Variants in SCARA5 observed in about 807,000 individuals in gnomAD.
SCARA5 encodes the protein scavenger receptor class A member 5, also known as scavenger receptor class A, member 5 (putative).
SCARA5 carries 45 observed loss-of-function variants against 46.3 expected under a neutral mutation model. That is an observed-to-expected ratio of 0.97 (90% CI 0.76 to 1.24). SCARA5 has a LOEUF of 1.24. Ranked by LOEUF, SCARA5 falls within the 50% of genes most tolerant of loss-of-function variation. The pLI is 0.00. For synonymous variants in SCARA5, 333 were observed against 306.5 expected (o/e 1.09, Z -0.90); for missense variants, 680 against 689.0 (o/e 0.99, Z 0.15).
intron 7 of SCARA5, chr8:27,886,033 C>T (rs141122521): frequency 1.6e-3 from 244 of 154,878 alleles, no homozygotes; most frequent in African/African-American, 5.4e-3. Flanking sequence ...AAAGTCATGG[C>T]CTGCAGGGCT....
chr8:27,874,524 A>G (rs1252202419), intron 8 of SCARA5, among the ~76,000 whole-genome samples: 1 of 152,208 alleles, frequency 6.6e-6, no homozygotes, highest in African/African-American at 2.4e-5. Context: ...TTGATTGCAT[A>G]TTGGCTTCAG....
rs973824150 is a variant in SCARA5 at position 27,945,923 on chromosome 8, G to A, written c.241+20491C>T. Among the ~76,000 whole-genome samples the A allele has an allele frequency of 2.6e-5, 4 of 152,226 alleles. No individual in the cohort carries two copies. In the East Asian group the frequency reaches 5.8e-4, roughly 22 times the overall value. Reference sequence around the variant, plus strand: ...AGTGCTACATCATGCTGGCAAGACCGTGGTGAACGCTAGTGTGTTTAAACA... The same window carrying A: ...AGTGCTACATCATGCTGGCAAGACCATGGTGAACGCTAGTGTGTTTAAACA... On this transcript the variant is annotated intron_variant, in intron 3 of 8. Transcript: ENST00000354914.
At chr8:27,979,622 T>G (rs1459156216) in intron 2 of SCARA5, among the ~76,000 whole-genome samples, 1 of 151,832 alleles carries the variant, frequency 6.6e-6, no homozygotes, top group East Asian at 1.9e-4. Context: ...GGCATGATCT[T>G]GGCTCACTGC....
At chr8:27,914,399 T>C (rs1807427589) in intron 4 of SCARA5, among the ~76,000 whole-genome samples, 1 of 152,088 alleles carries the variant, frequency 6.6e-6, no homozygotes, top group Non-Finnish European at 1.5e-5. Context: ...GGTGGGGAGA[T>C]CCTCGTGCAC....
intron 7 of SCARA5, among the ~76,000 whole-genome samples, chr8:27,904,111 C>T (rs961171973): frequency 8.5e-5 from 13 of 152,118 alleles, no homozygotes; most frequent in Admixed American, 2.0e-4. Flanking sequence ...TAGCAAGGAC[C>T]GCATCAGAAA....
chr8:27,986,765 G>C (rs1808711300), intron 2 of SCARA5, among the ~76,000 whole-genome samples: 1 of 152,336 alleles, frequency 6.6e-6, no homozygotes, highest in South Asian at 2.1e-4. Flanking sequence ...AGAGGAAAAG[G>C]CCTGTCTCTC....
At chr8:27,942,481 T>A (rs984419266) in intron 3 of SCARA5, among the ~76,000 whole-genome samples, 2 of 152,198 alleles carry the variant, frequency 1.3e-5, no homozygotes, top group Non-Finnish European at 2.9e-5. Context: ...GGCAGGTTGA[T>A]CCCAGCCCCT....
At chr8:27,915,543 C>T (rs1448114611) in intron 4 of SCARA5, among the ~76,000 whole-genome samples, 1 of 152,224 alleles carries the variant, frequency 6.6e-6, no homozygotes, top group African/African-American at 2.4e-5. Context: ...ACCCAGAAAC[C>T]AGAGTCCCAG....
intron 5 of SCARA5, 50 bp from the exon 6 acceptor site, chr8:27,907,296 G>A: frequency 7.3e-7 from 1 of 1,375,524 alleles, no homozygotes; most frequent in East Asian, 2.3e-5. Context: ...GAACAGGAAG[G>A]ACCCTCAGAG....
At chr8:27,891,483 C>T (rs1038763730) in intron 7 of SCARA5, among the ~76,000 whole-genome samples, 11 of 152,138 alleles carry the variant, frequency 7.2e-5, no homozygotes, top group Admixed American at 1.3e-4. Flanking sequence ...GGATTACAGG[C>T]GTGAGACACT....
In SCARA5 at chr8:27,907,902, T is replaced by C. The variant is rs79354008; in HGVS notation, c.998-656A>G. The stretch of plus-strand genomic sequence containing the variant: ...AGCAAACACTTTTTTGAGTGCTTTC[T>C]ACGTGCCAGGCCCTGCTCTGGATGC... On this transcript the variant is annotated intron_variant, in intron 5 of 8. Transcript: ENST00000354914. Among the ~76,000 whole-genome samples the C allele has an allele frequency of 8.8e-3, 1,334 of 152,280 alleles. 12 individuals carry two copies. The highest frequency in any genetic ancestry group is 0.015 in the Non-Finnish European group (993 of 68,024).
rs759900727 is a variant in SCARA5 at position 27,921,676 on chromosome 8, G to C, written c.811C>G (p.Leu271Val). 1.9e-6 allele frequency: 3 copies of C among 1,609,162 alleles called. No homozygotes were observed. Among genetic ancestry groups the C allele is most frequent in the Non-Finnish European group, 2.5e-6 (3 of 1,177,964 alleles). Residue 271 changes from leucine to valine, a missense_variant, in exon 4 of 9, where the codon CTG (leucine) becomes GTG (valine). By Grantham distance (32) the Leu-to-Val change is conservative. This residue lies in a region of SCARA5 where 438 missense variants were observed against 384.5 expected (regional missense o/e 1.14). Transcript: ENST00000354914. The stretch of plus-strand genomic sequence containing the variant: ...ATGGCCAGCTCCTGCTTCAGCTGCA[G>C]CTCCATGCCTACGTGCGCCAGGCGC... Reference protein sequence around the residue: ...RLRLAHVGMELQLKQELAMLN... With the variant: ...RLRLAHVGMEVQLKQELAMLN...
chr8:27,881,085 A>C (rs1806804191), intron 7 of SCARA5, among the ~76,000 whole-genome samples: 1 of 152,234 alleles, frequency 6.6e-6, no homozygotes, highest in African/African-American at 2.4e-5. Flanking sequence ...GAATGCTTAT[A>C]CTGTTGGTGG....
chr8:27,957,697 G>C (rs7842216), intron 3 of SCARA5, among the ~76,000 whole-genome samples: 2,885 of 152,352 alleles, frequency 0.019, 86 homozygotes, highest in African/African-American at 0.066. Context: ...GGCCAGAGTA[G>C]GCAATGCGTC....
intron 3 of SCARA5, among the ~76,000 whole-genome samples, chr8:27,942,668 G>A (rs1807970929): frequency 6.6e-6 from 1 of 152,184 alleles, no homozygotes; most frequent in Non-Finnish European, 1.5e-5. Context: ...GGGCTGCACG[G>A]TACTGCAGAA....
At chr8:27,914,097 G>A (rs907825221) in intron 4 of SCARA5, among the ~76,000 whole-genome samples, 4 of 152,150 alleles carry the variant, frequency 2.6e-5, no homozygotes, top group Admixed American at 1.3e-4. Flanking sequence ...TGCTGTTCTC[G>A]TGATAGTGAA....
intron 2 of SCARA5, among the ~76,000 whole-genome samples, chr8:27,968,593 T>A (rs1032349058): frequency 6.6e-6 from 1 of 152,214 alleles, no homozygotes; most frequent in Admixed American, 6.5e-5. Flanking sequence ...TCTGTTCCTC[T>A]CAAGAGTCAG....
At chr8:27,879,025 A>T (rs1806766940) in intron 8 of SCARA5, among the ~76,000 whole-genome samples, 1 of 152,214 alleles carries the variant, frequency 6.6e-6, no homozygotes, top group South Asian at 2.1e-4. Context: ...TCAAGGCTGC[A>T]GTGAGCCATG....
chr8:27,981,620 G>T (rs1808616778), intron 2 of SCARA5, among the ~76,000 whole-genome samples: 1 of 152,230 alleles, frequency 6.6e-6, no homozygotes, highest in Non-Finnish European at 1.5e-5. Flanking sequence ...GTTCACGCAT[G>T]CAAGGACAAC....
Sources: allele counts gnomAD v4.1 joint callset (sites outside exome capture counted in the v4.1 genomes callset), GRCh38; gene constraint gnomAD v4.1.1; regional missense constraint gnomAD v4.1.1; transcripts MANE v1.5; gene names NCBI Gene and HGNC (gene_info 2026-07-23, HGNC 2026-07-21).